The following KRABD1 variants were observed in gnomAD, a reference collection of about 807,000 sequenced individuals.
KRABD1 encodes KRAB domain containing 1, also known as KRAB domain-containing protein 1.
At chr3:42,937,537 A>G in the KRABD1 span, 3 of 152,250 alleles carry the variant, frequency 2.0e-5, no homozygotes, top group Non-Finnish European at 2.9e-5. Context: ...ATTAGATTCC[A>G]CAATTACAAG....
the KRABD1 span, chr3:42,937,888 C>T: frequency 1.6e-4 from 25 of 152,208 alleles, no homozygotes; most frequent in Non-Finnish European, 5.9e-5. Context: ...AGACTTACAG[C>T]AAACTGCAGA....
At chr3:42,937,011 C>T in the KRABD1 span, 2 of 152,184 alleles carry the variant, frequency 1.3e-5, no homozygotes, top group Non-Finnish European at 2.9e-5. Flanking sequence ...TCTGGATTGG[C>T]TCATAAGAAT....
the KRABD1 span, among the ~76,000 whole-genome samples, chr3:42,941,707 CAAA>C: frequency 6.6e-6 from 1 of 152,036 alleles, no homozygotes; most frequent in Non-Finnish European, 1.5e-5. Flanking sequence ...CATCCTCTGA[CAAA>C]GAAGGTAAAA....
the KRABD1 span, among the ~76,000 whole-genome samples, chr3:42,939,123 G>A: frequency 6.6e-6 from 1 of 151,928 alleles, no homozygotes; most frequent in Non-Finnish European, 1.5e-5. Context: ...TAACAGTATA[G>A]CTCACTTTTT....
At chr3:42,942,482 T>C in the KRABD1 span, 9 of 508,470 alleles carry the variant, frequency 1.8e-5, no homozygotes, top group Non-Finnish European at 1.9e-5. Context: ...TTTTAAATAA[T>C]TTTTTATACT....
the KRABD1 span, chr3:42,942,664 A>G: frequency 9.8e-7 from 1 of 1,023,466 alleles, no homozygotes; most frequent in Non-Finnish European, 1.4e-6. Context: ...ACATTTAAAT[A>G]CCAGTTTTCC....
the KRABD1 span, chr3:42,942,171 G>T: frequency 2.5e-6 from 2 of 807,356 alleles, no homozygotes; most frequent in Non-Finnish European, 4.1e-6. Flanking sequence ...GCATCATGGA[G>T]TACACTGGGA....
the KRABD1 span, among the ~76,000 whole-genome samples, chr3:42,939,381 CGTT>C: frequency 3.4e-3 from 524 of 152,276 alleles, 2 homozygotes; most frequent in African/African-American, 0.012. Context: ...ACTTCACTGA[CGTT>C]GTTGCACACA....
At chr3:42,942,143 G>A in the KRABD1 span, 2 of 1,058,274 alleles carry the variant, frequency 1.9e-6, no homozygotes, top group Non-Finnish European at 2.8e-6. Flanking sequence ...AATGAAAGGT[G>A]TGTGTTCTCT....
chr3:42,941,154 A>G, the KRABD1 span: 2 of 1,434,528 alleles, frequency 1.4e-6, no homozygotes, highest in African/African-American at 1.4e-5. Context: ...TGCCCTTCTC[A>G]GGTCTCTCAT....
chr3:42,938,865 C>T, the KRABD1 span: 1 of 1,513,524 alleles, frequency 6.6e-7, no homozygotes, highest in East Asian at 2.5e-5. Context: ...GAGACTTTTA[C>T]CTTTACCCAG....
At chr3:42,941,869 C>T in the KRABD1 span, 4 of 783,214 alleles carry the variant, frequency 5.1e-6, no homozygotes, top group Non-Finnish European at 8.6e-6. Context: ...CTCTCCTCAC[C>T]TCCCTTGCTT....
the KRABD1 span, among the ~76,000 whole-genome samples, chr3:42,940,351 A>G: frequency 6.6e-6 from 1 of 152,374 alleles, no homozygotes; most frequent in Admixed American, 6.5e-5. Context: ...CTGAACCAGT[A>G]TTCCATGACA....
chr3:42,940,275 G>A, the KRABD1 span, among the ~76,000 whole-genome samples: 1 of 152,038 alleles, frequency 6.6e-6, no homozygotes, highest in Non-Finnish European at 1.5e-5. Flanking sequence ...TCATACATTT[G>A]GTGAACATAT....
the KRABD1 span, chr3:42,938,829 G>T: frequency 1.7e-6 from 2 of 1,179,264 alleles, no homozygotes; most frequent in South Asian, 2.7e-5. Flanking sequence ...TATCGTTAAT[G>T]TTTTTTTTCT....
chr3:42,938,785 G>A, the KRABD1 span: 1 of 671,870 alleles, frequency 1.5e-6, no homozygotes, highest in Non-Finnish European at 2.5e-6. Flanking sequence ...ATGGGTCAGA[G>A]GTTGTTTGTA....
At chr3:42,940,884 T>A in the KRABD1 span, among the ~76,000 whole-genome samples, 14 of 152,242 alleles carry the variant, frequency 9.2e-5, no homozygotes, top group African/African-American at 3.1e-4. Flanking sequence ...CTGACAGCTA[T>A]GTTCGGGGGT....
chr3:42,936,763 GC>G, the KRABD1 span: 1 of 152,184 alleles, frequency 6.6e-6, no homozygotes, highest in South Asian at 2.1e-4. Context: ...GGTCGCTCCA[GC>G]CCCCTTGTCT....
At chr3:42,938,205 T>C in the KRABD1 span, 2 of 152,246 alleles carry the variant, frequency 1.3e-5, no homozygotes, top group African/African-American at 4.8e-5. Context: ...GTTGATGGAT[T>C]CTTTTAATAT....
Sources: gnomAD v4.1 joint callset for allele counts (sites outside exome capture counted in the v4.1 genomes callset) on GRCh38, gnomAD v4.1.1 for gene constraint, MANE v1.5 for transcripts, NCBI Gene and HGNC (gene_info 2026-07-23, HGNC 2026-07-21) for gene names.